Variants in PCDH9 observed in about 807,000 individuals in gnomAD.
PCDH9 encodes protocadherin 9, also known as protocadherin-9.
A neutral mutation model predicts 70.6 loss-of-function variants in PCDH9; 24 were observed. The observed-to-expected ratio is 0.34, with a 90% CI of 0.25 to 0.48. The LOEUF is 0.48. PCDH9 is among the 20% of genes least tolerant of loss of function. The pLI is 0.99. For missense variants in PCDH9, 1,281 were observed against 1,503.6 expected (o/e 0.85, Z 2.45); for synonymous variants, 562 against 558.5 (o/e 1.01, Z -0.09).
intron 3 of PCDH9, among the ~76,000 whole-genome samples, chr13:66,868,371 A>C (rs1024140300): frequency 5.3e-5 from 8 of 152,092 alleles, no homozygotes; most frequent in African/African-American, 1.7e-4. Flanking sequence ...TTTTTTATAG[A>C]AGATAATATA....
At chr13:67,208,451 G>A (rs552773117) in intron 2 of PCDH9, 1 of 152,002 alleles carries the variant, frequency 6.6e-6, no homozygotes, top group Non-Finnish European at 1.5e-5. Flanking sequence ...ATGTCACTTA[G>A]TATTAATAAT....
At chr13:67,018,182 T>C (rs974827655) in intron 2 of PCDH9, among the ~76,000 whole-genome samples, 1 of 152,212 alleles carries the variant, frequency 6.6e-6, no homozygotes, top group African/African-American at 2.4e-5. Flanking sequence ...GTGTGAATTA[T>C]ACTGGAGATA....
intron 2 of PCDH9, among the ~76,000 whole-genome samples, chr13:66,977,833 AG>A (rs2083652408): frequency 6.6e-6 from 1 of 152,166 alleles, no homozygotes. Context: ...TGATCTCCTC[AG>A]TGGAAATGCT....
intron 4 of PCDH9, among the ~76,000 whole-genome samples, chr13:66,549,347 A>G (rs960293533): frequency 6.6e-6 from 1 of 151,716 alleles, no homozygotes; most frequent in Non-Finnish European, 1.5e-5. Context: ...AATTGCTTTT[A>G]CTTTTGTGAT....
intron 2 of PCDH9, chr13:67,201,985 A>G (rs931579029): frequency 6.6e-6 from 1 of 152,120 alleles, no homozygotes; most frequent in Non-Finnish European, 1.5e-5. Flanking sequence ...GCACATAGTT[A>G]CACATGGCGA....
At chr13:66,763,655 A>T (rs188887537) in intron 3 of PCDH9, among the ~76,000 whole-genome samples, 91 of 152,234 alleles carry the variant, frequency 6.0e-4, no homozygotes, top group African/African-American at 2.1e-3. Flanking sequence ...AGATATTGCT[A>T]AAGCTGACTA....
rs1414136626 is a variant in PCDH9, at chr13:67,227,073, C to T, written c.1368G>A (p.Arg456=). 1 of 1,614,074 alleles carries T rather than the reference C, an allele frequency of 6.2e-7. No individual in the cohort carries two copies. The highest frequency in any genetic ancestry group is 1.3e-5 in the African/African-American group (1 of 74,998). ...KPSLNQTALV[R]VKLEDENDNP... is the part of the protein sequence containing the mutation. ...TGTCATTTTCATCCTCAAGCTTAAC[C>T]CTTACCAGGGCAGTCTGATTTAAAC... The change falls in exon 2 of 5, where the codon AGG becomes AGA. Residue 456 remains arginine, a synonymous_variant. Coordinates refer to ENST00000377865, the MANE Select transcript of PCDH9 (RefSeq NM_203487.3). The surrounding 1 kb of genome is among the most constrained non-coding windows in gnomAD (Gnocchi z 4.6).
At position 66,824,651 on chromosome 13, in the gene PCDH9, G is replaced by GATAT. The variant is rs67211029; in HGVS notation, c.3138+78849_3138+78852dup. 6.5e-3 allele frequency among the ~76,000 whole-genome samples: 638 copies of GATAT among 98,636 alleles called. 5 individuals carry two copies. The highest frequency in any genetic ancestry group is 7.2e-3 in the Non-Finnish European group (375 of 52,426). The allele number at this position is 98,636 out of a possible 152,430, so 64.7% of individuals were successfully genotyped here. The stretch of plus-strand genomic sequence containing the variant: ...ACCTGGGCAACAAGAGCGAAACTCT[G>GATAT]ATATATATATATATATATATATATA... On this transcript the variant is annotated intron_variant, in intron 3 of 4. Transcript: ENST00000377865.
chr13:66,976,055 T>C (rs1335441095), intron 2 of PCDH9, among the ~76,000 whole-genome samples: 1 of 152,000 alleles, frequency 6.6e-6, no homozygotes, highest in African/African-American at 2.4e-5. Flanking sequence ...CAAGAAAATA[T>C]TTCTGTTGAA....
chr13:67,058,106 A>G (rs1022218179), intron 2 of PCDH9, among the ~76,000 whole-genome samples: 1 of 152,142 alleles, frequency 6.6e-6, no homozygotes, highest in African/African-American at 2.4e-5. Context: ...TTCTGTTTTT[A>G]TTAAAACATT....
At chr13:66,658,999 C>A (rs2077970241) in intron 3 of PCDH9, among the ~76,000 whole-genome samples, 1 of 152,048 alleles carries the variant, frequency 6.6e-6, no homozygotes, top group Non-Finnish European at 1.5e-5. Flanking sequence ...TTTGTAAGTA[C>A]AATTGTCAGG....
chr13:66,653,885 T>G (rs2077887855), intron 3 of PCDH9, among the ~76,000 whole-genome samples: 1 of 150,712 alleles, frequency 6.6e-6, no homozygotes, highest in Admixed American at 6.7e-5. Flanking sequence ...GGAGAATGGC[T>G]TGAACCCGGG....
intron 2 of PCDH9, among the ~76,000 whole-genome samples, chr13:67,095,179 G>T (rs890584899): frequency 6.6e-6 from 1 of 151,968 alleles, no homozygotes; most frequent in Non-Finnish European, 1.5e-5. Context: ...TTATTCAACC[G>T]ACTGTTACTT....
chr13:66,303,447 G>A lies in PCDH9; in HGVS notation c.*1208C>T, dbSNP rs887435793. The A allele has an allele frequency of 2.6e-5, 4 of 152,474 alleles. No homozygotes were observed. Among genetic ancestry groups the A allele is most frequent in the African/African-American group, 9.7e-5 (4 of 41,422 alleles). 9.4% of individuals were successfully genotyped at this position (152,474 alleles called of 1,614,324 possible). A position where few individuals can be genotyped will look rare whatever the true frequency, so the allele number is the denominator to read the frequency against. On this transcript the variant is annotated 3_prime_UTR_variant, in exon 5 of 5. Transcript: ENST00000377865. ...CCCCCAACTACCCTACCTGGAGAAT[G>A]TTCTGTTACATCATGAAGGCACAAC...
intron 2 of PCDH9, among the ~76,000 whole-genome samples, chr13:67,035,554 ATATAAT>A (rs898336306): frequency 7.9e-4 from 118 of 149,456 alleles, no homozygotes; most frequent in Middle Eastern, 3.6e-3. Flanking sequence ...AGAAATAAAT[ATATAAT>A]TATATTAAAT....
intron 2 of PCDH9, among the ~76,000 whole-genome samples, chr13:67,154,541 A>G (rs1362595412): frequency 7.1e-6 from 1 of 140,698 alleles, no homozygotes; most frequent in Non-Finnish European, 1.5e-5. Context: ...TTGCCACTAC[A>G]CTCCAGACAG....
intron 4 of PCDH9, among the ~76,000 whole-genome samples, chr13:66,453,251 T>C (rs942936177): frequency 6.6e-6 from 1 of 152,168 alleles, no homozygotes; most frequent in African/African-American, 2.4e-5. Context: ...GAATTTCCTT[T>C]TCTTTGATCT....
intron 2 of PCDH9, among the ~76,000 whole-genome samples, chr13:66,971,070 A>G (rs2083513854): frequency 6.6e-6 from 1 of 152,044 alleles, no homozygotes; most frequent in South Asian, 2.1e-4. Context: ...ACAGTTCTGC[A>G]TATTTGAAGT....
At chr13:66,590,662 T>C (rs1310566637) in intron 4 of PCDH9, among the ~76,000 whole-genome samples, 1 of 151,890 alleles carries the variant, frequency 6.6e-6, no homozygotes, top group East Asian at 1.9e-4. Flanking sequence ...CAGTGTTTGC[T>C]TTTGATATTT....
Sources: allele counts gnomAD v4.1 joint callset (sites outside exome capture counted in the v4.1 genomes callset), GRCh38; gene constraint gnomAD v4.1.1; non-coding constraint Gnocchi (gnomAD v3.1); transcripts MANE v1.5; gene names NCBI Gene and HGNC (gene_info 2026-07-23, HGNC 2026-07-21).